ARID2: variants seen among roughly 807,000 people sequenced by gnomAD.
ARID2 encodes the protein AT-rich interaction domain 2, also known as AT-rich interactive domain-containing protein 2.
In ARID2, 32 loss-of-function variants were observed where a neutral mutation model predicts 184.6. The ratio of observed to expected loss-of-function variants is 0.17; its 90% CI spans 0.13 to 0.23. ARID2 has a LOEUF of 0.23. Among genes scored for constraint, ARID2 ranks in the 10% least tolerant of loss-of-function variants. ARID2 has a pLI of 1.00. For synonymous variants in ARID2, 836 were observed against 772.6 expected (o/e 1.08, Z -1.36); for missense variants, 1,696 against 2,197.6 (o/e 0.77, Z 4.56).
intron 6 of ARID2, among the ~76,000 whole-genome samples, chr12:45,822,396 C>T (rs566773190): frequency 5.3e-5 from 8 of 151,952 alleles, no homozygotes; most frequent in Admixed American, 2.0e-4. Flanking sequence ...ATTAGCTGGG[C>T]GTGGTTGTGT....
intron 3 of ARID2, among the ~76,000 whole-genome samples, chr12:45,745,969 A>G (rs1476868380): frequency 6.6e-6 from 1 of 152,090 alleles, no homozygotes; most frequent in Non-Finnish European, 1.5e-5. Context: ...TATTTGATAA[A>G]GCTTATATAT....
intron 3 of ARID2, among the ~76,000 whole-genome samples, chr12:45,764,807 TATA>T (rs778040573): frequency 6.6e-6 from 1 of 152,256 alleles, no homozygotes; most frequent in African/African-American, 2.4e-5. Flanking sequence ...TTAAAAACAC[TATA>T]AACATTCGCA....
intron 3 of ARID2, among the ~76,000 whole-genome samples, chr12:45,793,276 G>A (rs1942326663): frequency 6.6e-6 from 1 of 151,714 alleles, no homozygotes; most frequent in Non-Finnish European, 1.5e-5. Flanking sequence ...CTCAAGCCTG[G>A]ACAACAAGAG....
chr12:45,818,622 C>T (rs1439137724), intron 5 of ARID2, among the ~76,000 whole-genome samples: 2 of 152,070 alleles, frequency 1.3e-5, no homozygotes, highest in Non-Finnish European at 2.9e-5. Context: ...TATTGACATA[C>T]ATCAAAAGTA....
rs2138179826 is a variant in ARID2, at chr12:45,852,575, A to T, written c.4452A>T (p.Ile1484=). The change falls in exon 15 of 21, where the codon ATA becomes ATT. Residue 1484 remains isoleucine (I), a synonymous_variant. Transcript: ENST00000334344. ...CTGTTATACAGGGACATCAAATCAT[A>T]GCAGTTCCCGACTCAGGATCAAAAG... ...TTSVIQGHQI[I]AVPDSGSKVS... is the part of the protein sequence containing the mutation. 8 of 1,614,208 alleles carry T rather than the reference A, an allele frequency of 5.0e-6. No homozygotes were observed. Among genetic ancestry groups the T allele is most frequent in the Non-Finnish European group, 6.8e-6 (8 of 1,180,022 alleles).
rs1232398885 is a variant in ARID2, at chr12:45,899,671, TTATATATGGTTATATATATATGGTTA to T, written c.5364-5255_5364-5230del. Among the ~76,000 whole-genome samples, 134 of 45,106 alleles carry T rather than the reference TTATATATGGTTATATATATATGGTTA, an allele frequency of 3.0e-3. 5 individuals carry two copies. The East Asian group carries it at 0.036, about 12-fold the overall frequency. 29.6% of individuals were successfully genotyped at this position (45,106 alleles called of 152,430 possible). On this transcript the variant is annotated intron_variant, in intron 20 of 20. Coordinates refer to ENST00000334344, the MANE Select transcript of ARID2 (RefSeq NM_152641.4). ...TATTTGGTTATATATATATATATGG[TTATATATGGTTATATATATATGGTTA>T]TATATATATATGGTTATATATATAT...
intron 3 of ARID2, among the ~76,000 whole-genome samples, chr12:45,787,106 CTA>C (rs1302650386): frequency 6.6e-6 from 1 of 151,958 alleles, no homozygotes; most frequent in East Asian, 1.9e-4. Context: ...TTGAAAATAA[CTA>C]AAAGTGTAGA....
intron 3 of ARID2, among the ~76,000 whole-genome samples, chr12:45,744,983 G>C (rs1941328858): frequency 6.6e-6 from 1 of 152,124 alleles, no homozygotes; most frequent in South Asian, 2.1e-4. Context: ...TTAAATGTGT[G>C]TGTTTGTGCA....
intron 3 of ARID2, among the ~76,000 whole-genome samples, chr12:45,762,806 A>G (rs1008421682): frequency 6.6e-6 from 1 of 152,252 alleles, no homozygotes. Context: ...TGGAATTCTC[A>G]GAACATCTTA....
chr12:45,883,266 C>G (rs1944133690), intron 16 of ARID2, among the ~76,000 whole-genome samples: 1 of 151,854 alleles, frequency 6.6e-6, no homozygotes, highest in Non-Finnish European at 1.5e-5. Flanking sequence ...GAATTTTTAC[C>G]TTGCTCTATT....
chr12:45,777,243 G>A (rs577034120), intron 3 of ARID2, among the ~76,000 whole-genome samples: 1 of 152,184 alleles, frequency 6.6e-6, no homozygotes, highest in East Asian at 1.9e-4. Flanking sequence ...AAAGTTCATA[G>A]TATAGTATAT....
intron 16 of ARID2, 39 bp from the exon 17 acceptor site, chr12:45,891,741 T>G (rs2138231587): frequency 6.3e-7 from 1 of 1,594,712 alleles, no homozygotes; most frequent in Non-Finnish European, 8.5e-7. Context: ...AAAATATACT[T>G]GAATACATCC....
chr12:45,772,467 T>TA (rs907396752), intron 3 of ARID2, among the ~76,000 whole-genome samples: 1 of 152,062 alleles, frequency 6.6e-6, no homozygotes, highest in Non-Finnish European at 1.5e-5. Context: ...TCAGACTGGA[T>TA]AAAAAATACA....
intron 6 of ARID2, among the ~76,000 whole-genome samples, chr12:45,830,520 A>G (rs1234089686): frequency 6.6e-6 from 1 of 152,132 alleles, no homozygotes; most frequent in African/African-American, 2.4e-5. Flanking sequence ...AGTTTTCACC[A>G]TGATACAGAG....
rs543570315 is a variant in ARID2, at chr12:45,763,652, A to T, written c.284+32338A>T. On this transcript the variant is annotated intron_variant, in intron 3 of 20. Transcript: ENST00000334344. Reference sequence around the variant, plus strand: ...TAGCTGGGACTACAAAAAAAAAAAAATTTTTTTTAAAATTTTTTTGTAGAC... The same window carrying T: ...TAGCTGGGACTACAAAAAAAAAAAATTTTTTTTTAAAATTTTTTTGTAGAC... 5.1e-3 allele frequency among the ~76,000 whole-genome samples: 772 copies of T among 149,992 alleles called. 4 individuals are homozygous for T. Among genetic ancestry groups the T allele is most frequent in the African/African-American group, 0.015 (624 of 40,418 alleles).
chr12:45,855,438 T>A (rs1023129068), intron 15 of ARID2, among the ~76,000 whole-genome samples: 3 of 152,224 alleles, frequency 2.0e-5, no homozygotes, highest in African/African-American at 4.8e-5. Context: ...GCGTACATGA[T>A]GTCTATGAGA....
intron 16 of ARID2, among the ~76,000 whole-genome samples, chr12:45,885,238 A>G (rs1489455769): frequency 6.6e-6 from 1 of 152,104 alleles, no homozygotes; most frequent in African/African-American, 2.4e-5. Flanking sequence ...TAGAATATAT[A>G]TATCTAAAAC....
intron 16 of ARID2, among the ~76,000 whole-genome samples, chr12:45,882,418 C>T (rs1944121173): frequency 6.6e-6 from 1 of 152,180 alleles, no homozygotes; most frequent in African/African-American, 2.4e-5. Flanking sequence ...CAGACACCAA[C>T]TTCACTATAT....
Position 45,884,879 on chromosome 12 carries a change from C to T in ARID2, c.4923-6901C>T, listed in dbSNP as rs74410927. ...CAGCTACACTAGTCAATCAGTTGTT[C>T]CCACCTATGACTTTTAATCTGGATT... On this transcript the variant is annotated intron_variant, in intron 16 of 20. Transcript: ENST00000334344. 7.5e-3 allele frequency among the ~76,000 whole-genome samples: 1,143 copies of T among 152,152 alleles called. 19 individuals are homozygous for T. The highest frequency in any genetic ancestry group is 0.026 in the African/African-American group (1,077 of 41,508).
Sources: gnomAD v4.1 joint callset for allele counts (sites outside exome capture counted in the v4.1 genomes callset) on GRCh38, gnomAD v4.1.1 for gene constraint, MANE v1.5 for transcripts, NCBI Gene and HGNC (gene_info 2026-07-23, HGNC 2026-07-21) for gene names.